RP1: variants seen among roughly 807,000 people sequenced by gnomAD.
The protein encoded by RP1 is oxygen-regulated protein 1.
RP1 carries 16 observed loss-of-function variants against 14.8 expected under a neutral mutation model. The observed-to-expected ratio is 1.08, with a 90% CI of 0.73 to 1.65. The LOEUF (loss-of-function observed/expected upper bound fraction) is 1.65, where lower values mean the gene tolerates loss of function less well. RP1 is among the 40% of genes most tolerant of loss of function. The pLI is 0.00. For missense variants in RP1, 2,631 were observed against 2,535.0 expected (o/e 1.04, Z -0.81); for synonymous variants, 876 against 883.6 (o/e 0.99, Z 0.15).
chr8:54,626,227 T>C lies in RP1; in HGVS notation c.2345T>C (p.Leu782Pro), dbSNP rs1311281714. The change falls in exon 4 of 4, where the codon CTA (leucine) becomes CCA (proline). Residue 782 changes from leucine to proline, a missense_variant. Transcript: ENST00000220676. Reference sequence around the variant, plus strand: ...TTAACCAAAAGAAAATCTAGATCACTAAATAAAATAAGCTTAGGAGCACCT... The same window carrying C: ...TTAACCAAAAGAAAATCTAGATCACCAAATAAAATAAGCTTAGGAGCACCT... ...GLLTKRKSRS[L>P]NKISLGAPKK... The C allele has an allele frequency of 6.2e-7, 1 of 1,611,110 alleles. No homozygotes were observed. The highest frequency in any genetic ancestry group is 1.1e-5 in the South Asian group (1 of 90,158).
At chr8:54,719,764 C>T (rs1808491122) in intron 15 of RP1, among the ~76,000 whole-genome samples, 1 of 152,172 alleles carries the variant, frequency 6.6e-6, no homozygotes, top group African/African-American at 2.4e-5. Context: ...TAGCACTTTT[C>T]CCACCATTTT....
At chr8:54,718,117 G>A (rs1472120154) in intron 15 of RP1, among the ~76,000 whole-genome samples, 1 of 152,050 alleles carries the variant, frequency 6.6e-6, no homozygotes, top group East Asian at 1.9e-4. Context: ...TTATATATTG[G>A]AAGACTCAAG....
intron 6 of RP1, among the ~76,000 whole-genome samples, chr8:54,658,792 T>G (rs1041053204): frequency 6.6e-5 from 10 of 152,062 alleles, no homozygotes; most frequent in Non-Finnish European, 8.8e-5. Context: ...CATTTTAAAT[T>G]TTTTGAGGAA....
At chr8:54,700,537 A>G (rs1585618694) in intron 13 of RP1, among the ~76,000 whole-genome samples, 1 of 152,144 alleles carries the variant, frequency 6.6e-6, no homozygotes. Context: ...AGTTCATAGC[A>G]CATTCTGATC....
chr8:54,845,278 G>A (rs777082216), intron 25 of RP1, among the ~76,000 whole-genome samples: 113 of 152,304 alleles, frequency 7.4e-4, no homozygotes, highest in Middle Eastern at 3.4e-3. Flanking sequence ...AGGAGCAGCC[G>A]CTGCCTTCTT....
intron 24 of RP1, among the ~76,000 whole-genome samples, chr8:54,815,953 G>T (rs1563384921): frequency 6.6e-6 from 1 of 152,126 alleles, no homozygotes; most frequent in African/African-American, 2.4e-5. Flanking sequence ...ATATGAACCT[G>T]TAGCACACTG....
intron 24 of RP1, among the ~76,000 whole-genome samples, chr8:54,825,207 C>T (rs1170682700): frequency 6.6e-6 from 1 of 152,156 alleles, no homozygotes. Context: ...GATCCATCCA[C>T]CTCGGCCTCC....
chr8:54,656,098 A>G (rs573994480), exon 6 of RP1: 10 of 1,531,292 alleles, frequency 6.5e-6, no homozygotes, highest in African/African-American at 1.4e-5. Flanking sequence ...GCTGCATAAT[A>G]TGAATTCTGG....
chr8:54,699,553 G>T, exon 13 of RP1: 6 of 1,386,648 alleles, frequency 4.3e-6, no homozygotes, highest in Non-Finnish European at 5.7e-6. Flanking sequence ...TCTTGACAAT[G>T]GCATTGTCAC....
At chr8:54,615,880 C>G (rs1037750491), upstream of RP1, among the ~76,000 whole-genome samples, 12 of 152,086 alleles carry the variant, frequency 7.9e-5, no homozygotes, top group East Asian at 3.9e-4. Context: ...TGGTGAAGTA[C>G]TTTTTCTGGA....
At chr8:54,846,664 C>T (rs943506290) in intron 25 of RP1, among the ~76,000 whole-genome samples, 1 of 152,154 alleles carries the variant, frequency 6.6e-6, no homozygotes. Context: ...TGAATTTAGT[C>T]TCTTTTGGTC....
At chr8:54,861,877 C>G (rs1037176934) in intron 27 of RP1, among the ~76,000 whole-genome samples, 1 of 152,192 alleles carries the variant, frequency 6.6e-6, no homozygotes, top group Non-Finnish European at 1.5e-5. Flanking sequence ...GCTGGGATTA[C>G]AGGCATGAGC....
chr8:54,679,086 A>G (rs918828816), intron 9 of RP1, among the ~76,000 whole-genome samples: 2 of 152,098 alleles, frequency 1.3e-5, no homozygotes, highest in Non-Finnish European at 2.9e-5. Flanking sequence ...GGTTTGAACT[A>G]TATTTAGTGG....
At chr8:54,691,144 T>C (rs968199927) in intron 12 of RP1, among the ~76,000 whole-genome samples, 5 of 151,952 alleles carry the variant, frequency 3.3e-5, no homozygotes, top group South Asian at 2.1e-4. Flanking sequence ...TTGAGGCATA[T>C]GGAGGAAGAT....
intron 27 of RP1, among the ~76,000 whole-genome samples, chr8:54,861,090 TC>T (rs1441880300): frequency 6.6e-6 from 1 of 152,198 alleles, no homozygotes; most frequent in East Asian, 1.9e-4. Context: ...TTCTGAATAC[TC>T]TTTACACTAA....
chr8:54,586,215 A>T (rs1370346643), intron 1 of RP1, among the ~76,000 whole-genome samples: 1 of 152,214 alleles, frequency 6.6e-6, no homozygotes, highest in Non-Finnish European at 1.5e-5. Flanking sequence ...TCCTTCTAAC[A>T]GTCAGGACCC....
Position 54,628,109 on chromosome 8 carries a change from A to C in RP1, c.4227A>C (p.Glu1409Asp). ...CGLCLSEKEA[E>D]LDKKHSSLDD... ...TTTGCCTAAGTGAAAAAGAAGCAGA[A>C]CTTGATAAGAAACATAGTTCTCTAG... The change falls in exon 4 of 4, where the codon GAA becomes GAC. Residue 1409 changes from glutamate (E) to aspartate (D), a missense_variant. Glu to Asp is a conservative substitution (Grantham distance 45). Transcript: ENST00000220676. 2 of 1,614,024 alleles carry C rather than the reference A, an allele frequency of 1.2e-6. No individual in the cohort carries two copies. Among genetic ancestry groups the C allele is most frequent in the Non-Finnish European group, 1.7e-6 (2 of 1,179,928 alleles).
At chr8:54,770,448 T>C (rs1585677294), downstream of RP1, among the ~76,000 whole-genome samples, 1 of 150,468 alleles carries the variant, frequency 6.6e-6, no homozygotes, top group East Asian at 1.9e-4. Flanking sequence ...TATTAACTTC[T>C]TTTTTTTCTT....
chr8:54,838,056 G>C (rs1811704560), intron 25 of RP1, among the ~76,000 whole-genome samples: 1 of 152,216 alleles, frequency 6.6e-6, no homozygotes, highest in African/African-American at 2.4e-5. Flanking sequence ...GCCGCAAGTT[G>C]TTTGCCCACC....
Sources: gnomAD v4.1 joint callset for allele counts (sites outside exome capture counted in the v4.1 genomes callset) on GRCh38, gnomAD v4.1.1 for gene constraint, MANE v1.5 for transcripts, NCBI Gene and HGNC (gene_info 2026-07-23, HGNC 2026-07-21) for gene names.